Variants in DLC1 observed in about 807,000 individuals in gnomAD.
DLC1 encodes the protein rho GTPase-activating protein 7.
DLC1 carries 54 observed loss-of-function variants against 140.3 expected under a neutral mutation model. The ratio of observed to expected loss-of-function variants is 0.38; its 90% confidence interval spans 0.31 to 0.48. The LOEUF (loss-of-function observed/expected upper bound fraction) is 0.48, where lower values mean the gene tolerates loss of function less well. Ranked by LOEUF, DLC1 falls within the 20% of genes least tolerant of loss-of-function variation. The pLI, the probability that DLC1 is intolerant of heterozygous loss-of-function variation, is 0.96. For missense variants in DLC1, 2,536 were observed against 1,907.0 expected, an observed-to-expected ratio of 1.33 and a Z score of -6.14; for synonymous variants, 986 against 728.1, an observed-to-expected ratio of 1.35 and a Z score of -5.70.
chr8:13,237,008 G>T (rs1321543021), intron 5 of DLC1, among the ~76,000 whole-genome samples: 1 of 151,954 alleles, frequency 6.6e-6, no homozygotes, highest in African/African-American at 2.4e-5. Flanking sequence ...GACAGGAGAA[G>T]ATTGATGTTT....
chr8:13,592,902 C>T (rs1019440662), intron 1 of DLC1, among the ~76,000 whole-genome samples: 3 of 151,972 alleles, frequency 2.0e-5, no homozygotes, highest in Non-Finnish European at 4.4e-5. Context: ...ATAATTAATC[C>T]CAGAAATCTT....
chr8:13,593,002 C>G lies in DLC1; in HGVS notation c.-126+11535G>C, dbSNP rs187781555. 2.1e-3 allele frequency among the ~76,000 whole-genome samples: 326 copies of G among 152,174 alleles called. 1 individual carries two copies. Among genetic ancestry groups the G allele is most frequent in the African/African-American group, 7.6e-3 (317 of 41,516 alleles). Reference sequence around the variant, plus strand: ...ATTTCCAAGCCTAAGTGCAATTTCTCTGGTTTCTGTTTAAGGAGTTTAGCT... The same window carrying G: ...ATTTCCAAGCCTAAGTGCAATTTCTGTGGTTTCTGTTTAAGGAGTTTAGCT... On this transcript the variant is annotated intron_variant, in intron 1 of 1. Coordinates refer to the DLC1 transcript ENST00000631382.
chr8:13,458,876 A>C (rs568719636), intron 2 of DLC1, among the ~76,000 whole-genome samples: 2 of 152,270 alleles, frequency 1.3e-5, no homozygotes, highest in East Asian at 1.9e-4. Context: ...AATCTTAAAA[A>C]GTTTACTTAC....
At chr8:13,368,644 T>C (rs1315450089) in intron 4 of DLC1, among the ~76,000 whole-genome samples, 2 of 152,090 alleles carry the variant, frequency 1.3e-5, no homozygotes, top group Non-Finnish European at 2.9e-5. Context: ...TCATTCCTAA[T>C]AGGTTAACCT....
intron 4 of DLC1, 95 bp from the exon 5 acceptor site, chr8:13,305,397 A>C: frequency 7.7e-7 from 1 of 1,305,996 alleles, no homozygotes; most frequent in Non-Finnish European, 1.0e-6. Context: ...TGACGCAAAA[A>C]TTAAATAGAG....
At chr8:13,385,811 C>T (rs2117181780) in intron 4 of DLC1, among the ~76,000 whole-genome samples, 1 of 152,260 alleles carries the variant, frequency 6.6e-6, no homozygotes, top group East Asian at 1.9e-4. Context: ...GTCTTTAAGA[C>T]ATGAGCACAG....
intron 5 of DLC1, among the ~76,000 whole-genome samples, chr8:13,161,896 T>A (rs549020925): frequency 3.7e-4 from 56 of 152,322 alleles, no homozygotes; most frequent in Non-Finnish European, 6.2e-4. Flanking sequence ...AGGGACAAAA[T>A]ATCTTACTCA....
At chr8:13,346,061 C>T (rs747394651) in intron 4 of DLC1, among the ~76,000 whole-genome samples, 3 of 152,236 alleles carry the variant, frequency 2.0e-5, no homozygotes, top group Non-Finnish European at 2.9e-5. Flanking sequence ...GTTTCATAAG[C>T]TAGATACTTG....
Position 13,100,746 on chromosome 8 carries a change from G to T in DLC1, c.1591C>A (p.Pro531Thr). The change falls in exon 9 of 18, where the codon CCT becomes ACT. Residue 531 changes from proline (P) to threonine (T), a missense_variant. Pro to Thr is a conservative substitution (Grantham distance 38). Coordinates refer to ENST00000276297, the MANE Select transcript of DLC1 (RefSeq NM_182643.3). ...KRSDDSDEDE[P>T]CAISGKWTFQ... is the part of the protein sequence containing the mutation. The stretch of plus-strand genomic sequence containing the variant: ...GTCCATTTGCCACTGATGGCACAAG[G>T]CTCATCCTCGTCTGAATCGTCACTC... 6.3e-7 allele frequency: 1 copy of T among 1,583,000 alleles called. No individual in the cohort carries two copies. The highest frequency in any genetic ancestry group is 8.6e-7 in the Non-Finnish European group (1 of 1,165,656).
intron 5 of DLC1, chr8:13,132,798 G>T: frequency 9.4e-7 from 1 of 1,065,594 alleles, no homozygotes; most frequent in Non-Finnish European, 1.4e-6. Flanking sequence ...CCACCTCCAA[G>T]AAAATCCGGA....
intron 2 of DLC1, among the ~76,000 whole-genome samples, chr8:13,472,524 G>A (rs1180585040): frequency 6.6e-6 from 1 of 152,118 alleles, no homozygotes; most frequent in African/African-American, 2.4e-5. Context: ...TTGACATACT[G>A]TGAGAATTGG....
intron 1 of DLC1, among the ~76,000 whole-genome samples, chr8:13,553,766 A>T (rs978608083): frequency 6.6e-6 from 1 of 152,082 alleles, no homozygotes; most frequent in Non-Finnish European, 1.5e-5. Context: ...TCAGTCTTTG[A>T]TCCCTACACC....
chr8:13,353,012 C>A (rs1011411734), intron 4 of DLC1, among the ~76,000 whole-genome samples: 2 of 152,128 alleles, frequency 1.3e-5, no homozygotes, highest in African/African-American at 4.8e-5. Context: ...TTTTATGAAT[C>A]TTAGCCCTTT....
At chr8:13,324,031 G>C (rs1269913960) in intron 4 of DLC1, among the ~76,000 whole-genome samples, 2 of 152,206 alleles carry the variant, frequency 1.3e-5, no homozygotes, top group Non-Finnish European at 2.9e-5. Flanking sequence ...CACTGAGCCT[G>C]TTGGGGACAG....
At chr8:13,088,421 G>A in intron 16 of DLC1, 66 bp downstream of exon 16, 4 of 1,518,882 alleles carry the variant, frequency 2.6e-6, no homozygotes, top group South Asian at 1.2e-5. Context: ...TAAGATCAGT[G>A]ACATATAGGC....
chr8:13,359,162 A>G (rs1449575228), intron 4 of DLC1, among the ~76,000 whole-genome samples: 2 of 152,100 alleles, frequency 1.3e-5, no homozygotes, highest in Non-Finnish European at 2.9e-5. Flanking sequence ...GATGGTCTCG[A>G]TCTCCTGACC....
intron 2 of DLC1, among the ~76,000 whole-genome samples, chr8:13,476,655 A>G (rs1357458069): frequency 6.6e-6 from 1 of 152,178 alleles, no homozygotes; most frequent in Admixed American, 6.5e-5. Context: ...TAGAGTTATG[A>G]AAGTTTTTCT....
chr8:13,511,345 A>G (rs1277071017), intron 1 of DLC1, among the ~76,000 whole-genome samples: 1 of 151,474 alleles, frequency 6.6e-6, no homozygotes, highest in Non-Finnish European at 1.5e-5. Context: ...CATTTGAGTC[A>G]CTGTTTAATC....
chr8:13,155,803 G>C (rs4270970), intron 5 of DLC1, among the ~76,000 whole-genome samples: 1 of 152,126 alleles, frequency 6.6e-6, no homozygotes, highest in African/African-American at 2.4e-5. Flanking sequence ...CAGAGCTGTA[G>C]GTTGGTAGTA....
Sources: allele counts gnomAD v4.1 joint callset (sites outside exome capture counted in the v4.1 genomes callset), GRCh38; gene constraint gnomAD v4.1.1; transcripts MANE v1.5; gene names NCBI Gene and HGNC (gene_info 2026-07-23, HGNC 2026-07-21).